Variants in GCSAML observed in about 807,000 individuals in gnomAD.
The protein encoded by GCSAML is germinal center associated signaling and motility like, also known as germinal center-associated signaling and motility-like protein.
In GCSAML, 9 loss-of-function variants were observed where a neutral mutation model predicts 13.0. That is an observed-to-expected ratio of 0.69 (90% CI 0.42 to 1.21). GCSAML has a LOEUF of 1.21. Among genes scored for constraint, GCSAML ranks in the 50% most tolerant of loss-of-function variants. The pLI, the probability that GCSAML is intolerant of heterozygous loss-of-function variation, is 0.00. For missense variants in GCSAML, 143 were observed against 153.4 expected (o/e 0.93, Z 0.36); for synonymous variants, 37 against 52.9 (o/e 0.70, Z 1.31).
intron 1 of GCSAML, among the ~76,000 whole-genome samples, chr1:247,552,435 C>T (rs1184997066): frequency 6.6e-6 from 1 of 152,172 alleles, no homozygotes; most frequent in African/African-American, 2.4e-5. Flanking sequence ...AGGCCTGTTA[C>T]CTTGGGCAGT....
chr1:247,535,384 T>C (rs553142759), intron 2 of GCSAML, among the ~76,000 whole-genome samples: 3 of 152,288 alleles, frequency 2.0e-5, no homozygotes, highest in South Asian at 2.1e-4. Context: ...GTTTTCATCA[T>C]GTGAATGTGA....
chr1:247,576,195 G>T lies in GCSAML; in HGVS notation c.*1813G>T, dbSNP rs556786439. The T allele has an allele frequency of 9.9e-5, 15 of 152,098 alleles. No individual in the cohort carries two copies. The highest frequency in any genetic ancestry group is 3.1e-4 in the African/African-American group (13 of 41,400). 9.4% of individuals were successfully genotyped at this position (152,098 alleles called of 1,614,324 possible). A position where few individuals can be genotyped will look rare whatever the true frequency, so the allele number is the denominator to read the frequency against. On this transcript the variant is annotated 3_prime_UTR_variant, in exon 5 of 5. Coordinates refer to ENST00000366488, the MANE Select transcript of GCSAML (RefSeq NM_145278.5). ...ATTTTATGCCTGAAACAGAGTTTGC[G>T]CACATTGGACCATCAGAAAGCAGAA...
intron 4 of GCSAML, among the ~76,000 whole-genome samples, chr1:247,570,294 A>C (rs1034779432): frequency 1.3e-5 from 2 of 151,848 alleles, no homozygotes; most frequent in African/African-American, 4.8e-5. Context: ...TTAAATTGTG[A>C]TGTTAGGGTA....
At chr1:247,523,028 T>C (rs1358304950) in intron 1 of GCSAML, among the ~76,000 whole-genome samples, 2 of 151,950 alleles carry the variant, frequency 1.3e-5, no homozygotes, top group Admixed American at 6.5e-5. Flanking sequence ...TTAGAAAATA[T>C]ATATGAAATC....
chr1:247,530,226 C>T (rs1666863970), intron 2 of GCSAML: 1 of 152,084 alleles, frequency 6.6e-6, no homozygotes, highest in Non-Finnish European at 1.5e-5. Context: ...TTTTGGTCTT[C>T]CCATGCCTTT....
Position 247,527,186 on chromosome 1 carries a change from G to A in GCSAML, c.-148+132G>A, listed in dbSNP as rs1173913221. 2.4e-6 allele frequency: 1 copy of A among 410,792 alleles called. No homozygotes were observed. Among genetic ancestry groups the A allele is most frequent in the African/African-American group, 2.0e-5 (1 of 48,878 alleles). The allele number at this position is 410,792 out of a possible 1,614,324, so 25.4% of individuals were successfully genotyped here. On this transcript the variant is annotated intron_variant, in intron 2 of 5. Coordinates refer to the GCSAML transcript ENST00000366489. The surrounding 1 kb of genome is among the most constrained non-coding windows in gnomAD (Gnocchi z 4.6). ...GAGCATTTAAGGCAGTTGGAGGAGA[G>A]TGTGAGTTATGGTCATCATTCTCCT... is the stretch of plus-strand genomic sequence containing the variant.
chr1:247,573,612 C>T (rs993907323), intron 4 of GCSAML, among the ~76,000 whole-genome samples: 3 of 152,192 alleles, frequency 2.0e-5, no homozygotes, highest in Non-Finnish European at 4.4e-5. Flanking sequence ...CTGGGAGCTG[C>T]AGACTGGAGC....
At chr1:247,515,181 A>G (rs1426136728) in intron 1 of GCSAML, among the ~76,000 whole-genome samples, 1 of 152,240 alleles carries the variant, frequency 6.6e-6, no homozygotes, top group Non-Finnish European at 1.5e-5. Flanking sequence ...TATGTGGACT[A>G]TGAACCACGT....
chr1:247,574,099 A>G lies in GCSAML; in HGVS notation c.169-44A>G. 2.5e-6 allele frequency: 4 copies of G among 1,606,282 alleles called. No individual in the cohort carries two copies. The South Asian group carries it at 3.3e-5, about 13-fold the overall frequency. ...GGTAGTACACTGAGTTCAATTTATG[A>G]ATGACCGTGGATCCTTGATTTCTTT... is the stretch of plus-strand genomic sequence containing the variant. On this transcript the variant is annotated intron_variant, in intron 4 of 4. Coordinates refer to ENST00000366488, the MANE Select transcript of GCSAML (RefSeq NM_145278.5).
rs922025182 is a variant in GCSAML, at chr1:247,526,798, G to A, written c.-262-142G>A. On this transcript the variant is annotated intron_variant, in intron 1 of 5. Coordinates refer to the GCSAML transcript ENST00000366489. This position sits in a 1 kb window ranked among gnomAD's most constrained non-coding sequence, Gnocchi z 4.8. ...GAGCCTAGAAAATTCTGACATATTC[G>A]GCTGAAAAGGGACCTGGCATCGAAA... is the stretch of plus-strand genomic sequence containing the variant. 1.1e-5 allele frequency: 4 copies of A among 358,390 alleles called. No individual in the cohort carries two copies. The highest frequency in any genetic ancestry group is 2.1e-5 in the African/African-American group (1 of 46,682). The allele number at this position is 358,390 out of a possible 1,614,324, so 22.2% of individuals were successfully genotyped here. A position where few individuals can be genotyped will look rare whatever the true frequency, so the allele number is the denominator to read the frequency against.
Position 247,564,001 on chromosome 1 carries a change from C to T in GCSAML, c.139+362C>T, listed in dbSNP as rs979803821. On this transcript the variant is annotated intron_variant, in intron 3 of 4. Transcript: ENST00000366488. Reference sequence around the variant, plus strand: ...AGGCTGGAGTGCAGTGTCACAATCTCGGCTCACTGTAACCCCCCGCCTTCC... The same window carrying T: ...AGGCTGGAGTGCAGTGTCACAATCTTGGCTCACTGTAACCCCCCGCCTTCC... Among the ~76,000 whole-genome samples, 86 of 151,816 alleles carry T rather than the reference C, an allele frequency of 5.7e-4. 3 individuals carry two copies. The highest frequency in any genetic ancestry group is 4.2e-4 in the South Asian group (2 of 4,798).
chr1:247,517,102 T>C, intron 1 of GCSAML, among the ~76,000 whole-genome samples: 1 of 152,154 alleles, frequency 6.6e-6, no homozygotes, highest in Admixed American at 6.5e-5. Context: ...TCTTTGTGAG[T>C]GGACATGGCA....
chr1:247,510,382 T>C (rs1232762152), intron 1 of GCSAML, among the ~76,000 whole-genome samples: 1 of 152,214 alleles, frequency 6.6e-6, no homozygotes, highest in African/African-American at 2.4e-5. Flanking sequence ...TGTGTCTATT[T>C]GATTTTTCTC....
At chr1:247,543,799 A>T (rs58710623) in intron 2 of GCSAML, among the ~76,000 whole-genome samples, 5,172 of 151,778 alleles carry the variant, frequency 0.034, 285 homozygotes, top group African/African-American at 0.12. Flanking sequence ...TATTAAAAAA[A>T]TTTTTTTAGA....
At chr1:247,516,582 A>C (rs976898044) in intron 1 of GCSAML, among the ~76,000 whole-genome samples, 24 of 144,380 alleles carry the variant, frequency 1.7e-4, no homozygotes, top group Non-Finnish European at 2.5e-4. Context: ...TAAACTCCAG[A>C]TCTAACTGCA....
At chr1:247,536,901 A>T (rs1276028262) in intron 2 of GCSAML, among the ~76,000 whole-genome samples, 1 of 152,176 alleles carries the variant, frequency 6.6e-6, no homozygotes, top group Non-Finnish European at 1.5e-5. Context: ...ATTGGTGTAT[A>T]CATCAGTGAT....
chr1:247,562,241 G>A (rs533907067), intron 2 of GCSAML, among the ~76,000 whole-genome samples: 3 of 152,084 alleles, frequency 2.0e-5, no homozygotes, highest in Non-Finnish European at 4.4e-5. Flanking sequence ...AGTAAGGAAC[G>A]CTAAGGTCTG....
intron 1 of GCSAML, among the ~76,000 whole-genome samples, chr1:247,516,268 C>T (rs1269977601): frequency 1.3e-5 from 2 of 152,194 alleles, no homozygotes; most frequent in Non-Finnish European, 2.9e-5. Flanking sequence ...ATTTGTAATA[C>T]TGTGTTGACA....
intron 1 of GCSAML, chr1:247,519,385 A>G (rs1666336524): frequency 6.6e-6 from 1 of 152,222 alleles, no homozygotes; most frequent in African/African-American, 2.4e-5. Context: ...ACAGCATGGC[A>G]GAAACGCACG....
Sources: gnomAD v4.1 joint callset for allele counts (sites outside exome capture counted in the v4.1 genomes callset) on GRCh38, gnomAD v4.1.1 for gene constraint, Gnocchi (gnomAD v3.1) non-coding constraint, MANE v1.5 for transcripts, NCBI Gene and HGNC (gene_info 2026-07-23, HGNC 2026-07-21) for gene names.